Variants in FGF13 observed in about 807,000 individuals in gnomAD.
The protein encoded by FGF13 is fibroblast growth factor homologous factor 2.
In FGF13, 2 loss-of-function variants were observed where a neutral mutation model predicts 19.5. The ratio of observed to expected loss-of-function variants is 0.10; its 90% CI spans 0.04 to 0.32. FGF13 has a LOEUF of 0.32. FGF13 is among the 10% of genes least tolerant of loss of function. FGF13 has a pLI of 1.00. For synonymous variants in FGF13, 72 were observed against 76.9 expected (o/e 0.94, Z 0.33); for missense variants, 113 against 192.7 (o/e 0.59, Z 2.45).
At chrX:139,122,671 T>C (rs1163373549) in intron 1 of FGF13, among the ~76,000 whole-genome samples, 2 of 111,638 alleles carry the variant, frequency 1.8e-5, no homozygotes, top group Non-Finnish European at 3.8e-5. Context: ...AAATTCAACA[T>C]TGAATTCTTG....
intron 1 of FGF13, among the ~76,000 whole-genome samples, chrX:138,984,551 GAA>G (rs2091980711): frequency 2.7e-5 from 1 of 37,350 alleles, no homozygotes; most frequent in Non-Finnish European, 5.2e-5. Context: ...AGAAGAAGAA[GAA>G]GAAGAAGAAG....
intron 1 of FGF13, among the ~76,000 whole-genome samples, chrX:139,138,598 ATC>A (rs1255809986): frequency 9.0e-6 from 1 of 111,204 alleles, no homozygotes; most frequent in Non-Finnish European, 1.9e-5. Flanking sequence ...ATACACCCAT[ATC>A]TTACAGACAC....
chrX:139,186,571 GCATTTGAAATGAAATCCAAACTCTT>G (rs2084284889), intron 1 of FGF13, among the ~76,000 whole-genome samples: 1 of 111,538 alleles, frequency 9.0e-6, no homozygotes, highest in Non-Finnish European at 1.9e-5. Flanking sequence ...GCTTTCCAAT[GCATTTGAAATGAAATCCAAACTCTT>G]CATCCTCATA....
chrX:138,964,100 GA>G (rs1191648208), intron 1 of FGF13, among the ~76,000 whole-genome samples: 1 of 111,777 alleles, frequency 8.9e-6, no homozygotes, highest in Non-Finnish European at 1.9e-5. Flanking sequence ...GAGTTGATAA[GA>G]AAGTCCCAAG....
At chrX:138,890,709 C>A (rs1321906338) in intron 1 of FGF13, among the ~76,000 whole-genome samples, 1 of 111,824 alleles carries the variant, frequency 8.9e-6, no homozygotes, top group East Asian at 2.8e-4. Context: ...AGTACCCTTA[C>A]CATGTGCCAA....
chrX:138,783,818 T>C (rs1182591076), intron 3 of FGF13, among the ~76,000 whole-genome samples: 7 of 110,245 alleles, frequency 6.3e-5, no homozygotes, highest in Non-Finnish European at 1.1e-4. Flanking sequence ...TTACTGGGTA[T>C]ATACCCAAAG....
At chrX:138,811,434 G>A (rs928092120) in intron 3 of FGF13, among the ~76,000 whole-genome samples, 12 of 109,919 alleles carry the variant, frequency 1.1e-4, no homozygotes, top group African/African-American at 3.6e-4. Context: ...ATCACAAACC[G>A]GGGCCTGTTG....
chrX:138,772,620 G>T (rs1210760981), intron 3 of FGF13, among the ~76,000 whole-genome samples: 1 of 111,469 alleles, frequency 9.0e-6, no homozygotes, highest in African/African-American at 3.3e-5. Context: ...GAGTTGCAAA[G>T]ATTGGCAGAG....
intron 1 of FGF13, among the ~76,000 whole-genome samples, chrX:139,149,653 C>G (rs2148246211): frequency 8.9e-6 from 1 of 111,831 alleles, no homozygotes; most frequent in Non-Finnish European, 1.9e-5. Context: ...TGAGCAGGTA[C>G]CAGTCCACAA....
At chrX:138,830,433 TA>T (rs2091063174) in intron 3 of FGF13, among the ~76,000 whole-genome samples, 1 of 111,654 alleles carries the variant, frequency 9.0e-6, no homozygotes, top group African/African-American at 3.3e-5. Context: ...TATATAATTT[TA>T]AAAAACTTGG....
At chrX:138,850,693 C>T (rs1005476634) in intron 3 of FGF13, among the ~76,000 whole-genome samples, 2 of 111,940 alleles carry the variant, frequency 1.8e-5, no homozygotes, top group Non-Finnish European at 3.8e-5. Flanking sequence ...AGAACAAAGT[C>T]TTCTTATCTC....
At chrX:138,908,338 A>C (rs2091569860) in intron 1 of FGF13, among the ~76,000 whole-genome samples, 1 of 108,410 alleles carries the variant, frequency 9.2e-6, no homozygotes, top group South Asian at 4.2e-4. Context: ...TTGGCTCCCA[A>C]AGTGCTGGGA....
At chrX:138,952,026 C>T (rs1357727738) in intron 1 of FGF13, among the ~76,000 whole-genome samples, 1 of 111,482 alleles carries the variant, frequency 9.0e-6, no homozygotes, top group Admixed American at 9.5e-5. Flanking sequence ...AGATTCAATG[C>T]AACCCCCATC....
At chrX:138,690,801 G>A (rs1884547590) in intron 3 of FGF13, among the ~76,000 whole-genome samples, 1 of 110,745 alleles carries the variant, frequency 9.0e-6, no homozygotes, top group Admixed American at 9.6e-5. Flanking sequence ...AGTGAGTTCT[G>A]GGCTAAAAAT....
intron 3 of FGF13, among the ~76,000 whole-genome samples, chrX:138,761,113 C>G (rs948692215): frequency 3.6e-5 from 4 of 111,494 alleles, no homozygotes. Context: ...ATTTATGTTC[C>G]TCTCCGGCCC....
At chrX:138,867,518 C>T (rs1050772753) in intron 1 of FGF13, among the ~76,000 whole-genome samples, 11 of 110,656 alleles carry the variant, frequency 9.9e-5, no homozygotes, top group South Asian at 3.9e-4. Flanking sequence ...CCTCACATCA[C>T]GGTGGAAGGC....
chrX:139,059,191 T>C (rs997439093), intron 1 of FGF13, among the ~76,000 whole-genome samples: 1 of 110,842 alleles, frequency 9.0e-6, no homozygotes, highest in Non-Finnish European at 1.9e-5. Context: ...AAGAACTTTT[T>C]CTTTCAAAAA....
At chrX:139,017,360 C>A (rs1194505668) in intron 1 of FGF13, among the ~76,000 whole-genome samples, 1 of 107,249 alleles carries the variant, frequency 9.3e-6, no homozygotes, top group Non-Finnish European at 1.9e-5. Flanking sequence ...TATACACACA[C>A]ACACACACAA....
intron 3 of FGF13, among the ~76,000 whole-genome samples, chrX:138,686,662 C>T (rs2089786255): frequency 9.0e-6 from 1 of 111,552 alleles, no homozygotes; most frequent in African/African-American, 3.3e-5. Flanking sequence ...TCTTGTATTA[C>T]TCAATTTTAG....
Sources: allele counts gnomAD v4.1 joint callset (sites outside exome capture counted in the v4.1 genomes callset), GRCh38; gene constraint gnomAD v4.1.1; transcripts MANE v1.5; gene names NCBI Gene and HGNC (gene_info 2026-07-23, HGNC 2026-07-21).